TFCP2: variants seen among roughly 807,000 people sequenced by gnomAD.
TFCP2 encodes alpha-globin transcription factor CP2.
In TFCP2, 33 loss-of-function variants were observed where a neutral mutation model predicts 73.4. The ratio of observed to expected loss-of-function variants is 0.45; its 90% CI spans 0.34 to 0.60. The LOEUF (loss-of-function observed/expected upper bound fraction) is 0.60, where lower values mean the gene tolerates loss of function less well. Ranked by LOEUF, TFCP2 falls within the 20% of genes least tolerant of loss-of-function variation. The probability of loss-of-function intolerance (pLI) is 0.01; values close to 1 mark genes in which losing one functional copy is unlikely to be tolerated. For synonymous variants in TFCP2, 193 were observed against 211.6 expected, an observed-to-expected ratio of 0.91 and a Z score of 0.76; for missense variants, 352 against 604.0, an observed-to-expected ratio of 0.58 and a Z score of 4.37.
intron 1 of TFCP2, among the ~76,000 whole-genome samples, chr12:51,147,808 C>G (rs1231628334): frequency 1.3e-5 from 2 of 152,038 alleles, no homozygotes; most frequent in East Asian, 3.9e-4. Context: ...CTTAATTAAA[C>G]TAAAAAGCTT....
chr12:51,125,978 C>A (rs1026679406), intron 1 of TFCP2, among the ~76,000 whole-genome samples: 1 of 152,058 alleles, frequency 6.6e-6, no homozygotes, highest in Non-Finnish European at 1.5e-5. Flanking sequence ...CGCCTGTAAT[C>A]CCAGCACTTT....
At chr12:51,144,392 T>C (rs1477985971) in intron 1 of TFCP2, among the ~76,000 whole-genome samples, 1 of 152,006 alleles carries the variant, frequency 6.6e-6, no homozygotes, top group Admixed American at 6.6e-5. Context: ...TGAAAAAGAA[T>C]GAGATGAGGG....
At chr12:51,124,745 C>A in intron 1 of TFCP2, 1 of 736,468 alleles carries the variant, frequency 1.4e-6, no homozygotes, top group Non-Finnish European at 2.5e-6. Flanking sequence ...CAGCAGAGAT[C>A]ACGGCTGCCT....
At chr12:51,115,316 T>C (rs1270519469) in intron 4 of TFCP2, among the ~76,000 whole-genome samples, 4 of 151,942 alleles carry the variant, frequency 2.6e-5, no homozygotes, top group Non-Finnish European at 4.4e-5. Flanking sequence ...GAGACGGGGT[T>C]TCACCATGTT....
chr12:51,106,871 C>A, intron 7 of TFCP2: 1 of 493,230 alleles, frequency 2.0e-6, no homozygotes, highest in Non-Finnish European at 3.7e-6. Flanking sequence ...AAGTGGGTTC[C>A]AGAACCAAAG....
At chr12:51,098,629 A>C (rs1940027956) in intron 13 of TFCP2, 147 bp downstream of exon 13, 1 of 971,426 alleles carries the variant, frequency 1.0e-6, no homozygotes, top group African/African-American at 1.7e-5. Context: ...GTTTCAAAAA[A>C]AAAAAAAATT....
chr12:51,104,857 G>A (rs1049032276), intron 8 of TFCP2, among the ~76,000 whole-genome samples: 4 of 151,416 alleles, frequency 2.6e-5, no homozygotes, highest in African/African-American at 9.7e-5. Flanking sequence ...GACTACAGGC[G>A]CCTGCCACTA....
Position 51,106,609 on chromosome 12 carries a change from G to A in TFCP2, c.833C>T (p.Ser278Phe), listed in dbSNP as rs1200228308. 1 of 1,612,840 alleles carries A rather than the reference G, an allele frequency of 6.2e-7. No individual in the cohort carries two copies. The highest frequency in any genetic ancestry group is 1.7e-5 in the Admixed American group (1 of 59,900). ...SYETTILTEC[S>F]PWPEITYVNN... ...GACATACGTGATCTCGGGCCATGGA[G>A]AACACTAAAAACAAAGGATAAGTTA... Residue 278 changes from serine to phenylalanine, a missense_variant, in exon 8 of 15, where the codon TCT (serine) becomes TTT (phenylalanine). By Grantham distance (155) the Ser-to-Phe change is radical (BLOSUM62 -2). Coordinates refer to ENST00000257915, the MANE Select transcript of TFCP2 (RefSeq NM_005653.5).
chr12:51,104,132 C>A (rs1391860236), intron 9 of TFCP2, 23 bp downstream of exon 9: 17 of 1,612,906 alleles, frequency 1.1e-5, no homozygotes, highest in Non-Finnish European at 1.4e-5. Context: ...TTGCAAGTAA[C>A]TGACATTCAA....
chr12:51,145,200 CAAA>C (rs55642619), intron 1 of TFCP2, among the ~76,000 whole-genome samples: 83,365 of 110,082 alleles, frequency 0.76, 31,441 homozygotes, highest in Non-Finnish European at 0.81. Flanking sequence ...GACTTCATCT[CAAA>C]AAAAAAAAAA....
chr12:51,122,307 G>A (rs1017916989), intron 1 of TFCP2, among the ~76,000 whole-genome samples: 11 of 136,208 alleles, frequency 8.1e-5, no homozygotes, highest in Admixed American at 3.3e-4. Flanking sequence ...TACCCAGGCT[G>A]GAGTGCAGTG....
chr12:51,134,276 GT>G (rs1290594319), intron 1 of TFCP2, among the ~76,000 whole-genome samples: 2 of 152,050 alleles, frequency 1.3e-5, no homozygotes, highest in African/African-American at 4.8e-5. Flanking sequence ...ACTAATTTTG[GT>G]ATTTTTTCTT....
At chr12:51,144,701 G>A (rs1423637827) in intron 1 of TFCP2, among the ~76,000 whole-genome samples, 1 of 152,170 alleles carries the variant, frequency 6.6e-6, no homozygotes, top group Non-Finnish European at 1.5e-5. Context: ...AGTGTGAAAA[G>A]CAAACATAGA....
intron 1 of TFCP2, among the ~76,000 whole-genome samples, chr12:51,162,453 A>T (rs1464532192): frequency 6.6e-6 from 1 of 151,928 alleles, no homozygotes; most frequent in Non-Finnish European, 1.5e-5. Context: ...CTCAAAAAAA[A>T]AAAAAAAGAA....
In TFCP2 at chr12:51,130,698, A is replaced by T. The variant is rs150594370; in HGVS notation, c.123-11926T>A. Among the ~76,000 whole-genome samples the T allele has an allele frequency of 4.6e-3, 695 of 152,230 alleles. 2 individuals are homozygous for T. The highest frequency in any genetic ancestry group is 0.034 in the Middle Eastern group (10 of 294). Reference sequence around the variant, plus strand: ...CTTATAAATCTGTCTATACTTAAAAAAAAACTGGCCAGGCACGATGGCTCA... The same window carrying T: ...CTTATAAATCTGTCTATACTTAAAATAAAACTGGCCAGGCACGATGGCTCA... On this transcript the variant is annotated intron_variant, in intron 1 of 14. Transcript: ENST00000257915.
chr12:51,150,436 A>T lies in TFCP2; in HGVS notation c.122+21865T>A, dbSNP rs540726595. Among the ~76,000 whole-genome samples the T allele has an allele frequency of 1.8e-3, 276 of 152,204 alleles. 1 individual carries two copies. The highest frequency in any genetic ancestry group is 0.014 in the Middle Eastern group (4 of 294). On this transcript the variant is annotated intron_variant, in intron 1 of 14. Coordinates refer to ENST00000257915, the MANE Select transcript of TFCP2 (RefSeq NM_005653.5). ...CCATCTCGAAAAAAAAAGAAAAAAAATTTTTTTTAAAAAGTAATGAATTAA... is the reference window on the plus strand; with the variant it reads ...CCATCTCGAAAAAAAAAGAAAAAAATTTTTTTTTAAAAAGTAATGAATTAA...
chr12:51,118,030 G>C (rs548886177), intron 2 of TFCP2, among the ~76,000 whole-genome samples: 63 of 152,278 alleles, frequency 4.1e-4, no homozygotes, highest in African/African-American at 1.5e-3. Flanking sequence ...CACACAATTG[G>C]TAAATAATAG....
intron 9 of TFCP2, 50 bp downstream of exon 9, chr12:51,104,105 C>T: frequency 1.9e-6 from 3 of 1,566,074 alleles, no homozygotes; most frequent in Non-Finnish European, 2.6e-6. Context: ...GGACAGTCAT[C>T]AAAGTATTAC....
chr12:51,158,180 C>T (rs771492590), intron 1 of TFCP2, among the ~76,000 whole-genome samples: 139 of 149,490 alleles, frequency 9.3e-4, no homozygotes, highest in Admixed American at 2.7e-4. Context: ...AGCTAATTTT[C>T]CTTCTTTTAT....
Sources: allele counts gnomAD v4.1 joint callset (sites outside exome capture counted in the v4.1 genomes callset), GRCh38; gene constraint gnomAD v4.1.1; transcripts MANE v1.5; gene names NCBI Gene and HGNC (gene_info 2026-07-23, HGNC 2026-07-21).